The following TMOD3 variants were observed in gnomAD, a reference collection of about 807,000 sequenced individuals.
TMOD3 encodes tropomodulin-3.
Under a neutral mutation model 39.2 loss-of-function variants are expected in TMOD3, and 20 were observed. The ratio of observed to expected loss-of-function variants is 0.51; its 90% CI spans 0.36 to 0.74. The LOEUF is 0.74. Among genes scored for constraint, TMOD3 ranks in the 30% least tolerant of loss-of-function variants. TMOD3 has a pLI of 0.00. For missense variants in TMOD3, 381 were observed against 412.8 expected, an observed-to-expected ratio of 0.92 and a Z score of 0.67; for synonymous variants, 143 against 145.8, an observed-to-expected ratio of 0.98 and a Z score of 0.14.
intron 5 of TMOD3, among the ~76,000 whole-genome samples, chr15:51,892,941 CAAATT>C (rs2056601143): frequency 1.3e-5 from 2 of 152,070 alleles, no homozygotes; most frequent in African/African-American, 2.4e-5. Flanking sequence ...ACATGGCAAA[CAAATT>C]AAATGTTGAA....
chr15:51,865,999 A>G (rs2056443730), intron 2 of TMOD3, among the ~76,000 whole-genome samples: 1 of 152,220 alleles, frequency 6.6e-6, no homozygotes, highest in African/African-American at 2.4e-5. Flanking sequence ...TTGCACTGCA[A>G]GAGAGAAACG....
intron 1 of TMOD3, chr15:51,859,915 C>A: frequency 1.8e-6 from 1 of 542,368 alleles, no homozygotes; most frequent in South Asian, 1.4e-5. Flanking sequence ...TGAATGCAGT[C>A]ATGGTTCTTT....
Position 51,908,855 on chromosome 15 carries a change from G to T in TMOD3, c.*45G>T. The T allele has an allele frequency of 6.5e-7, 1 of 1,528,844 alleles. No individual in the cohort carries two copies. Among genetic ancestry groups the T allele is most frequent in the South Asian group, 1.3e-5 (1 of 77,336 alleles). 94.7% of individuals were successfully genotyped at this position (1,528,844 alleles called of 1,614,324 possible). ...TTGGAAGACTTCAGAAGATCACCAA[G>T]GGCTCATGTTGGTGACATCATGTAA... is the stretch of plus-strand genomic sequence containing the variant. On this transcript the variant is annotated 3_prime_UTR_variant, in exon 10 of 10. Coordinates refer to ENST00000308580, the MANE Select transcript of TMOD3 (RefSeq NM_014547.5).
Position 51,910,267 on chromosome 15 carries a change from AT to A in TMOD3, c.*1459del, listed in dbSNP as rs1284294172. The A allele has an allele frequency of 1.3e-5, 2 of 152,238 alleles. No homozygotes were observed. The highest frequency in any genetic ancestry group is 4.8e-5 in the African/African-American group (2 of 41,446). The allele number at this position is 152,238 out of a possible 1,614,324, so 9.4% of individuals were successfully genotyped here. ...TCTGAGGAAGGCAAGGTGGCTAATC[AT>A]TATTAATTTTTTTTAAACTTTTTGG... is the stretch of plus-strand genomic sequence containing the variant. On this transcript the variant is annotated 3_prime_UTR_variant, in exon 10 of 10. Transcript: ENST00000308580.
chr15:51,831,054 A>G (rs1375464616), intron 1 of TMOD3, among the ~76,000 whole-genome samples: 2 of 152,146 alleles, frequency 1.3e-5, no homozygotes, highest in Non-Finnish European at 2.9e-5. Flanking sequence ...ATGACCCCCA[A>G]GATTATTCTG....
chr15:51,854,535 C>A (rs771986988), intron 1 of TMOD3, among the ~76,000 whole-genome samples: 1 of 152,194 alleles, frequency 6.6e-6, no homozygotes, highest in Non-Finnish European at 1.5e-5. Context: ...TCATATGATT[C>A]TACATTTTAA....
rs1364478943 is a variant in TMOD3, at chr15:51,914,781, G to T, written c.*5971G>T. 6.6e-6 allele frequency: 1 copy of T among 151,438 alleles called. No homozygotes were observed. The highest frequency in any genetic ancestry group is 1.5e-5 in the Non-Finnish European group (1 of 67,950). The allele number at this position is 151,438 out of a possible 1,614,324, so 9.4% of individuals were successfully genotyped here. A position where few individuals can be genotyped will look rare whatever the true frequency, so the allele number is the denominator to read the frequency against. ...AGGTTCACTCTTGTCGCCCAGGCTG[G>T]AGCGCAATGGTGCGATCTCAGCTCA... On this transcript the variant is annotated 3_prime_UTR_variant, in exon 10 of 10. Coordinates refer to ENST00000308580, the MANE Select transcript of TMOD3 (RefSeq NM_014547.5).
intron 1 of TMOD3, among the ~76,000 whole-genome samples, chr15:51,857,754 T>C (rs1444955029): frequency 2.0e-5 from 3 of 152,118 alleles, no homozygotes; most frequent in African/African-American, 7.2e-5. Flanking sequence ...AAACAGTAAT[T>C]ATCCAAACAT....
rs545251256 is a variant in TMOD3 at position 51,839,914 on chromosome 15, C to T, written c.-75+10078C>T. 1.1e-4 allele frequency among the ~76,000 whole-genome samples: 17 copies of T among 152,168 alleles called. No individual in the cohort carries two copies. In the South Asian group the frequency reaches 2.1e-3, roughly 19 times the overall value. ...CAATACAGTACAACTTTACTGACTCCGCTCCCAGCCCCATTAGGATATGAT... is the reference window on the plus strand; with the variant it reads ...CAATACAGTACAACTTTACTGACTCTGCTCCCAGCCCCATTAGGATATGAT... On this transcript the variant is annotated intron_variant, in intron 1 of 9. Coordinates refer to ENST00000308580, the MANE Select transcript of TMOD3 (RefSeq NM_014547.5).
intron 3 of TMOD3, chr15:51,874,997 G>A (rs962519819): frequency 6.6e-6 from 1 of 152,124 alleles, no homozygotes; most frequent in African/African-American, 2.4e-5. Context: ...TCTTTCCCAA[G>A]AATTCCACAT....
intron 1 of TMOD3, among the ~76,000 whole-genome samples, chr15:51,847,470 C>G (rs2056341548): frequency 6.6e-6 from 1 of 152,200 alleles, no homozygotes. Flanking sequence ...TGCAAAGCAG[C>G]TATCTCACTG....
intron 3 of TMOD3, among the ~76,000 whole-genome samples, chr15:51,872,073 A>G (rs1418171675): frequency 6.6e-6 from 1 of 152,224 alleles, no homozygotes; most frequent in East Asian, 1.9e-4. Flanking sequence ...TAAAATAAAC[A>G]CACCATGTAA....
At chr15:51,883,791 T>C (rs868122551) in intron 3 of TMOD3, among the ~76,000 whole-genome samples, 1 of 152,262 alleles carries the variant, frequency 6.6e-6, no homozygotes, top group African/African-American at 2.4e-5. Context: ...ACTGTGCATA[T>C]AACATTTAGA....
chr15:51,881,981 G>A (rs907025487), intron 3 of TMOD3, among the ~76,000 whole-genome samples: 92 of 151,102 alleles, frequency 6.1e-4, no homozygotes, highest in African/African-American at 2.0e-3. Flanking sequence ...TGCAACCTCC[G>A]CCTCCCAGGT....
chr15:51,861,881 G>A (rs568173798), intron 1 of TMOD3, among the ~76,000 whole-genome samples: 23 of 152,024 alleles, frequency 1.5e-4, no homozygotes, highest in Non-Finnish European at 2.8e-4. Flanking sequence ...GAGCTCAAGC[G>A]ATTCACCTGC....
chr15:51,888,025 C>G (rs2056573914), intron 4 of TMOD3, among the ~76,000 whole-genome samples: 1 of 152,194 alleles, frequency 6.6e-6, no homozygotes, highest in South Asian at 2.1e-4. Context: ...GCTGTCCTAT[C>G]TGAACACCGA....
intron 3 of TMOD3, among the ~76,000 whole-genome samples, chr15:51,877,934 TG>T (rs1457306020): frequency 1.3e-5 from 2 of 152,120 alleles, no homozygotes; most frequent in African/African-American, 4.8e-5. Flanking sequence ...CTCACATACA[TG>T]TACCAGTCGG....
intron 3 of TMOD3, among the ~76,000 whole-genome samples, chr15:51,881,040 T>G (rs1478490368): frequency 6.6e-6 from 1 of 152,226 alleles, no homozygotes; most frequent in Non-Finnish European, 1.5e-5. Context: ...GTGGTTTTGA[T>G]TTGCATTTCC....
At position 51,862,829 on chromosome 15, in the gene TMOD3, A is replaced by T; in HGVS notation, c.-56A>T. On this transcript the variant is annotated 5_prime_UTR_variant, in exon 2 of 10. Transcript: ENST00000308580. ...TCCATAGCTTTAAGAAAAAGTAGAG[A>T]TCACTTCTGACTGTACTGAACAGCA... The T allele has an allele frequency of 2.0e-6, 3 of 1,525,142 alleles. No homozygotes were observed. Among genetic ancestry groups the T allele is most frequent in the Middle Eastern group, 1.8e-4 (1 of 5,702 alleles). The allele number at this position is 1,525,142 out of a possible 1,614,324, so 94.5% of individuals were successfully genotyped here.
Sources: gnomAD v4.1 joint callset for allele counts (sites outside exome capture counted in the v4.1 genomes callset) on GRCh38, gnomAD v4.1.1 for gene constraint, MANE v1.5 for transcripts, NCBI Gene and HGNC (gene_info 2026-07-23, HGNC 2026-07-21) for gene names.